TENM1: variants seen among roughly 807,000 people sequenced by gnomAD.
TENM1 encodes the protein teneurin transmembrane protein 1.
Under a neutral mutation model 174.8 loss-of-function variants are expected in TENM1, and 35 were observed. The observed-to-expected ratio is 0.20, with a 90% CI of 0.15 to 0.27. The LOEUF (loss-of-function observed/expected upper bound fraction) is 0.27. Among genes scored for constraint, TENM1 ranks in the 10% least tolerant of loss-of-function variants. TENM1 has a pLI of 1.00. For synonymous variants in TENM1, 781 were observed against 798.7 expected (o/e 0.98, Z 0.37); for missense variants, 1,633 against 2,130.1 (o/e 0.77, Z 4.59).
In TENM1 at chrX:124,901,342, A is replaced by T. The variant is rs187636619; in HGVS notation, c.218-5101T>A. ...TAAATGCTATGAAGCACTGAAAAAA[A>T]AATAAATGACTCTACTTTCTGAATC... On this transcript the variant is annotated intron_variant, in intron 1 of 31. Transcript: ENST00000422452. 1.4e-3 allele frequency among the ~76,000 whole-genome samples: 159 copies of T among 112,051 alleles called. 1 individual carries two copies. In the East Asian group the frequency reaches 0.037, roughly 26 times the overall value.
chrX:124,691,836 G>A (rs1391526760), intron 5 of TENM1, among the ~76,000 whole-genome samples: 2 of 109,404 alleles, frequency 1.8e-5, no homozygotes, highest in African/African-American at 6.7e-5. Context: ...TTTTATTGAT[G>A]TGAATTTTCA....
At chrX:124,704,461 A>G (rs2052848987) in intron 5 of TENM1, among the ~76,000 whole-genome samples, 1 of 112,207 alleles carries the variant, frequency 8.9e-6, no homozygotes, top group African/African-American at 3.2e-5. Flanking sequence ...AGAGCACCTT[A>G]TAACTGCTCT....
chrX:124,605,680 C>T (rs937157743), intron 11 of TENM1, among the ~76,000 whole-genome samples: 5 of 111,542 alleles, frequency 4.5e-5, no homozygotes, highest in African/African-American at 1.6e-4. Flanking sequence ...CATAATGAGA[C>T]ATTACTCATC....
At chrX:125,178,646 T>C in the TENM1 span, among the ~76,000 whole-genome samples, 1 of 111,983 alleles carries the variant, frequency 8.9e-6, no homozygotes, top group Admixed American at 9.5e-5. Flanking sequence ...TTTTCCTTTT[T>C]GGTAAGGAAG....
chrX:124,438,666 C>A (rs961449008), intron 23 of TENM1, among the ~76,000 whole-genome samples: 1 of 111,617 alleles, frequency 9.0e-6, no homozygotes, highest in East Asian at 2.8e-4. Flanking sequence ...TATTTTAAGG[C>A]CCCTGACAAC....
At chrX:124,592,593 G>A (rs181648765) in intron 11 of TENM1, among the ~76,000 whole-genome samples, 5 of 109,236 alleles carry the variant, frequency 4.6e-5, no homozygotes, top group East Asian at 5.7e-4. Context: ...GTGCCACTAC[G>A]TCCAGCTAAT....
the TENM1 span, among the ~76,000 whole-genome samples, chrX:125,200,617 A>C: frequency 9.9e-6 from 1 of 100,890 alleles, no homozygotes; most frequent in African/African-American, 3.7e-5. Context: ...AGGCATTCAC[A>C]AGCAATTGCT....
intron 3 of TENM1, among the ~76,000 whole-genome samples, chrX:124,779,324 T>C (rs968209684): frequency 1.8e-5 from 2 of 111,799 alleles, no homozygotes; most frequent in African/African-American, 6.5e-5. Flanking sequence ...TCAGTAGGCA[T>C]AGTGCACGAT....
chrX:125,185,642 C>G, the TENM1 span, among the ~76,000 whole-genome samples: 2 of 112,224 alleles, frequency 1.8e-5, no homozygotes, highest in African/African-American at 6.5e-5. Flanking sequence ...AATGCACATA[C>G]CTTGATAGGT....
At chrX:125,197,296 G>A in the TENM1 span, among the ~76,000 whole-genome samples, 5 of 111,727 alleles carry the variant, frequency 4.5e-5, no homozygotes, top group East Asian at 8.3e-4. Context: ...ACATATATAT[G>A]TATAATATGC....
chrX:124,503,553 T>C lies in TENM1; in HGVS notation c.3445+7A>G. ...TAGTATTCATACAAATTTAAAAAGC[T>C]ACTTACCACTTTGAGGATTCAAAAT... On this transcript the variant is annotated splice_region_variant and intron_variant, in intron 19 of 31. Transcript: ENST00000422452. The C allele has an allele frequency of 8.4e-7, 1 of 1,195,875 alleles. No individual in the cohort carries two copies. Among genetic ancestry groups the C allele is most frequent in the Admixed American group, 2.3e-5 (1 of 43,188 alleles).
chrX:125,098,306 C>T, the TENM1 span, among the ~76,000 whole-genome samples: 1 of 111,451 alleles, frequency 9.0e-6, no homozygotes, highest in Non-Finnish European at 1.9e-5. Context: ...TTGCTATGTC[C>T]TCAAAAAACT....
At chrX:124,965,309 C>T (rs5956716), upstream of TENM1, among the ~76,000 whole-genome samples, 2 of 111,474 alleles carry the variant, frequency 1.8e-5, no homozygotes, top group African/African-American at 6.5e-5. Flanking sequence ...TCGATCTCCT[C>T]ACCTCGTGAT....
chrX:125,077,944 G>A, the TENM1 span, among the ~76,000 whole-genome samples: 8 of 111,490 alleles, frequency 7.2e-5, no homozygotes, highest in Middle Eastern at 4.6e-3. Flanking sequence ...TGAAACAGAT[G>A]GAGAAAGACA....
At chrX:124,965,049 C>A (rs1438712616), upstream of TENM1, among the ~76,000 whole-genome samples, 2 of 103,137 alleles carry the variant, frequency 1.9e-5, no homozygotes, top group African/African-American at 8.9e-5. Context: ...ATGATGTAGG[C>A]TGATTTTTAT....
At chrX:124,767,731 T>A (rs2054566351) in intron 3 of TENM1, among the ~76,000 whole-genome samples, 1 of 111,439 alleles carries the variant, frequency 9.0e-6, no homozygotes, top group African/African-American at 3.3e-5. Flanking sequence ...ATTGCTGACA[T>A]GATTTTATTC....
intron 3 of TENM1, among the ~76,000 whole-genome samples, chrX:124,893,325 T>C (rs954792374): frequency 4.4e-5 from 5 of 112,508 alleles, no homozygotes; most frequent in African/African-American, 1.6e-4. Context: ...AAATAATCCA[T>C]TGCATTCAAC....
chrX:124,522,778 T>G (rs758823665), intron 17 of TENM1, among the ~76,000 whole-genome samples: 1 of 109,377 alleles, frequency 9.1e-6, no homozygotes, highest in East Asian at 2.9e-4. Context: ...AACCTCCGTC[T>G]CACGGGTTCA....
At chrX:125,166,901 G>A in the TENM1 span, among the ~76,000 whole-genome samples, 1 of 111,538 alleles carries the variant, frequency 9.0e-6, no homozygotes, top group East Asian at 2.8e-4. Flanking sequence ...TTCTTTTCAG[G>A]ATTTATTGCC....
Sources: allele counts gnomAD v4.1 joint callset (sites outside exome capture counted in the v4.1 genomes callset), GRCh38; gene constraint gnomAD v4.1.1; transcripts MANE v1.5; gene names NCBI Gene and HGNC (gene_info 2026-07-23, HGNC 2026-07-21).